IL1RAPL2: variants seen among roughly 807,000 people sequenced by gnomAD.
IL1RAPL2 encodes the protein interleukin 1 receptor accessory protein like 2, also known as X-linked interleukin-1 receptor accessory protein-like 2.
Under a neutral mutation model 44.1 loss-of-function variants are expected in IL1RAPL2, and 3 were observed. The ratio of observed to expected loss-of-function variants is 0.07; its 90% CI spans 0.03 to 0.18. The LOEUF is 0.18. IL1RAPL2 is among the 10% of genes least tolerant of loss of function. The pLI is 1.00. For synonymous variants in IL1RAPL2, 181 were observed against 178.8 expected (o/e 1.01, Z -0.10); for missense variants, 391 against 496.4 (o/e 0.79, Z 2.02).
intron 6 of IL1RAPL2, among the ~76,000 whole-genome samples, chrX:105,663,838 C>T (rs1339875260): frequency 1.8e-5 from 2 of 111,234 alleles, no homozygotes; most frequent in African/African-American, 6.6e-5. Flanking sequence ...TAAAAGAATC[C>T]AGCTTGAAGA....
chrX:105,575,957 C>T (rs1017135416), intron 6 of IL1RAPL2, among the ~76,000 whole-genome samples: 3 of 111,112 alleles, frequency 2.7e-5, no homozygotes, highest in African/African-American at 6.6e-5. Flanking sequence ...GTTTGTTGGC[C>T]ACATGTATGT....
intron 5 of IL1RAPL2, among the ~76,000 whole-genome samples, chrX:105,393,854 A>G (rs1262132970): frequency 1.8e-5 from 2 of 111,960 alleles, no homozygotes; most frequent in African/African-American, 6.5e-5. Context: ...AATGTACATG[A>G]CTACACTCCG....
chrX:105,272,230 T>G (rs1339018306), intron 5 of IL1RAPL2, among the ~76,000 whole-genome samples: 1 of 108,348 alleles, frequency 9.2e-6, no homozygotes, highest in Non-Finnish European at 1.9e-5. Flanking sequence ...CATGTATACA[T>G]ATGTAACTAA....
chrX:105,634,416 A>G (rs2037510556), intron 6 of IL1RAPL2, among the ~76,000 whole-genome samples: 1 of 111,267 alleles, frequency 9.0e-6, no homozygotes, highest in African/African-American at 3.3e-5. Context: ...ACAATGAAGT[A>G]CCTTACATTC....
At chrX:105,182,447 A>C (rs1213696231) in intron 2 of IL1RAPL2, among the ~76,000 whole-genome samples, 2 of 111,776 alleles carry the variant, frequency 1.8e-5, no homozygotes, top group African/African-American at 6.5e-5. Flanking sequence ...ATGAAAATGC[A>C]GCTATTCCTG....
At chrX:104,582,429 T>G (rs1341072638) in intron 1 of IL1RAPL2, among the ~76,000 whole-genome samples, 1 of 111,555 alleles carries the variant, frequency 9.0e-6, no homozygotes, top group African/African-American at 3.3e-5. Flanking sequence ...CAATTTATAT[T>G]AAGGGTTGGT....
At position 104,907,462 on chromosome X, in the gene IL1RAPL2, A is replaced by G. The variant is rs747065590; in HGVS notation, c.82+248467A>G. 5.4e-3 allele frequency among the ~76,000 whole-genome samples: 591 copies of G among 109,947 alleles called. 4 individuals are homozygous for G. The highest frequency in any genetic ancestry group is 0.019 in the African/African-American group (574 of 30,241). ...TTTAGTGCTATAAATTTCCCTCTAC[A>G]CACTGCCTTGAATGTGTCCCAGAGA... On this transcript the variant is annotated intron_variant, in intron 2 of 10. Coordinates refer to ENST00000372582, the MANE Select transcript of IL1RAPL2 (RefSeq NM_017416.2).
At chrX:105,734,793 A>T (rs998048845) in intron 7 of IL1RAPL2, among the ~76,000 whole-genome samples, 27 of 111,622 alleles carry the variant, frequency 2.4e-4, no homozygotes, top group African/African-American at 8.8e-4. Flanking sequence ...ACCTTTTTCC[A>T]ATCTTCACAG....
intron 2 of IL1RAPL2, among the ~76,000 whole-genome samples, chrX:105,014,349 A>C (rs1387134598): frequency 9.0e-6 from 1 of 110,970 alleles, no homozygotes; most frequent in East Asian, 2.8e-4. Context: ...GTTCTGAGAT[A>C]CATGTGCAGA....
chrX:105,670,393 C>T (rs1474329801), intron 6 of IL1RAPL2, among the ~76,000 whole-genome samples: 1 of 103,968 alleles, frequency 9.6e-6, no homozygotes, highest in Non-Finnish European at 2.0e-5. Context: ...CTCTGCCTCT[C>T]GGGTTCATGC....
At chrX:104,568,460 C>CGCA (rs1928083037) in intron 1 of IL1RAPL2, among the ~76,000 whole-genome samples, 1 of 111,681 alleles carries the variant, frequency 9.0e-6, no homozygotes, top group Non-Finnish European at 1.9e-5. Context: ...CCCACCCCAC[C>CGCA]GCAGCAGCCG....
At chrX:105,543,732 C>A (rs1217508031) in intron 6 of IL1RAPL2, among the ~76,000 whole-genome samples, 2 of 112,166 alleles carry the variant, frequency 1.8e-5, no homozygotes, top group African/African-American at 6.5e-5. Flanking sequence ...ATCAAAAATT[C>A]ACTAAACATA....
At chrX:104,614,950 G>A (rs1929238939) in intron 1 of IL1RAPL2, among the ~76,000 whole-genome samples, 1 of 111,078 alleles carries the variant, frequency 9.0e-6, no homozygotes, top group Admixed American at 9.6e-5. Flanking sequence ...ACCACTCTGG[G>A]CCTTTTAGAT....
At chrX:105,258,577 T>C (rs1969496909) in intron 4 of IL1RAPL2, among the ~76,000 whole-genome samples, 1 of 112,202 alleles carries the variant, frequency 8.9e-6, no homozygotes, top group Non-Finnish European at 1.9e-5. Flanking sequence ...CAGTGATTCA[T>C]AGATTTGGCC....
intron 6 of IL1RAPL2, among the ~76,000 whole-genome samples, chrX:105,531,724 T>C (rs1004635706): frequency 8.9e-6 from 1 of 112,010 alleles, no homozygotes; most frequent in Admixed American, 9.5e-5. Context: ...ATTTTGATTT[T>C]ATTTTTGTAT....
intron 2 of IL1RAPL2, among the ~76,000 whole-genome samples, chrX:104,715,561 A>C: frequency 9.1e-6 from 1 of 109,530 alleles, no homozygotes; most frequent in Admixed American, 9.9e-5. Context: ...TTAAGCTGAT[A>C]AACAACTTCA....
At chrX:104,955,492 ATATTATACTCCCATATATATG>A (rs1358330412) in intron 2 of IL1RAPL2, among the ~76,000 whole-genome samples, 1 of 106,962 alleles carries the variant, frequency 9.3e-6, no homozygotes, top group African/African-American at 3.4e-5. Flanking sequence ...ATATATATAT[ATATTATACTCCCATATATATG>A]TATTATACTC....
chrX:105,596,618 G>C (rs866026717), intron 6 of IL1RAPL2, among the ~76,000 whole-genome samples: 2 of 111,734 alleles, frequency 1.8e-5, no homozygotes, highest in South Asian at 7.5e-4. Flanking sequence ...TGCTTGAGAA[G>C]AATGTTCATT....
chrX:105,196,777 T>C (rs2033676387), intron 3 of IL1RAPL2, among the ~76,000 whole-genome samples: 1 of 111,550 alleles, frequency 9.0e-6, no homozygotes, highest in South Asian at 3.8e-4. Context: ...AAATAGAGAC[T>C]GGATTAGGTA....
Sources: gnomAD v4.1 joint callset for allele counts (sites outside exome capture counted in the v4.1 genomes callset) on GRCh38, gnomAD v4.1.1 for gene constraint, MANE v1.5 for transcripts, NCBI Gene and HGNC (gene_info 2026-07-23, HGNC 2026-07-21) for gene names.